Variants in PHF21B observed in about 807,000 individuals in gnomAD.
PHF21B encodes PHD finger protein 4.
Under a neutral mutation model 62.2 loss-of-function variants are expected in PHF21B, and 22 were observed. The ratio of observed to expected loss-of-function variants is 0.35; its 90% CI spans 0.25 to 0.51. The LOEUF (loss-of-function observed/expected upper bound fraction) is 0.51, where lower values mean the gene tolerates loss of function less well. Ranked by LOEUF, PHF21B falls within the 20% of genes least tolerant of loss-of-function variation. PHF21B has a pLI of 0.97. For missense variants in PHF21B, 701 were observed against 707.9 expected, an observed-to-expected ratio of 0.99 and a Z score of 0.11; for synonymous variants, 341 against 314.7, an observed-to-expected ratio of 1.08 and a Z score of -0.88.
chr22:45,008,486 C>G, intron 2 of PHF21B, 59 bp downstream of exon 2: 1 of 1,446,130 alleles, frequency 6.9e-7, no homozygotes, highest in Non-Finnish European at 9.3e-7. Context: ...AGGGCGCCGC[C>G]AAAGTGCCCA....
chr22:44,930,734 G>A (rs1263797739), intron 2 of PHF21B, among the ~76,000 whole-genome samples: 1 of 152,230 alleles, frequency 6.6e-6, no homozygotes, highest in Non-Finnish European at 1.5e-5. Context: ...GCACTCTGGG[G>A]CAGGCACCAG....
In PHF21B at chr22:44,883,200, C is replaced by T; in HGVS notation, c.1482G>A (p.Leu494=). The T allele has an allele frequency of 3.7e-6, 6 of 1,613,674 alleles. No homozygotes were observed. Among genetic ancestry groups the T allele is most frequent in the Non-Finnish European group, 5.1e-6 (6 of 1,179,976 alleles). Residue 494 remains leucine, a synonymous_variant, in exon 13 of 13, where the codon CTG becomes CTA. Transcript: ENST00000313237. The stretch of plus-strand genomic sequence containing the variant: ...TAGTGGTCGTCATGGTGACCTGGAG[C>T]AGCTGCTCGCCCTGTATCAGTCTCA... The part of the protein sequence containing the change: ...ALLRLIQGEQ[L]LQVTMTTTSP...
chr22:44,949,301 CAAAAAAAAGAA>C (rs2072144560), intron 2 of PHF21B, among the ~76,000 whole-genome samples: 4 of 42,466 alleles, frequency 9.4e-5, no homozygotes, highest in South Asian at 8.1e-4. Flanking sequence ...AACTCCATCT[CAAAAAAAAGAA>C]AAAAAAAAAA....
intron 2 of PHF21B, among the ~76,000 whole-genome samples, chr22:44,960,882 T>G (rs918241821): frequency 2.6e-5 from 4 of 151,808 alleles, no homozygotes; most frequent in African/African-American, 9.7e-5. Context: ...CAGCATCGAC[T>G]CTTCAGGGTC....
chr22:44,987,462 T>A (rs145604854), intron 2 of PHF21B, among the ~76,000 whole-genome samples: 1 of 152,156 alleles, frequency 6.6e-6, no homozygotes, highest in Non-Finnish European at 1.5e-5. Flanking sequence ...TGCACTCAGA[T>A]CACCTCATCT....
chr22:44,929,274 C>T (rs1260592734), intron 2 of PHF21B, among the ~76,000 whole-genome samples: 2 of 152,208 alleles, frequency 1.3e-5, no homozygotes, highest in South Asian at 2.1e-4. Context: ...CTGTCAGGAA[C>T]GAACGAGCTG....
At chr22:44,981,588 T>G (rs1190786468) in intron 2 of PHF21B, among the ~76,000 whole-genome samples, 2 of 152,244 alleles carry the variant, frequency 1.3e-5, no homozygotes, top group African/African-American at 2.4e-5. Context: ...GACTCAGAGA[T>G]GCTAAGTGAC....
In PHF21B at chr22:44,896,880, G is replaced by GTTTTTTTTTTTTTTT. The variant is rs56878868; in HGVS notation, c.832-812_832-798dup. Among the ~76,000 whole-genome samples, 91 of 84,032 alleles carry GTTTTTTTTTTTTTTT rather than the reference G, an allele frequency of 1.1e-3. 5 individuals are homozygous for GTTTTTTTTTTTTTTT. Among genetic ancestry groups the GTTTTTTTTTTTTTTT allele is most frequent in the African/African-American group, 2.5e-3 (60 of 24,232 alleles). 55.1% of individuals were successfully genotyped at this position (84,032 alleles called of 152,430 possible). A position where few individuals can be genotyped will look rare whatever the true frequency, so the allele number is the denominator to read the frequency against. ...AACAGGGTGGCACTTAGTTTTATCTGTTTTTTTTTTTTTTTTGAGACAGGT... is the reference window on the plus strand; with the variant it reads ...AACAGGGTGGCACTTAGTTTTATCTGTTTTTTTTTTTTTTTTTTTTTTTTTTTTTTTGAGACAGGT... On this transcript the variant is annotated intron_variant, in intron 5 of 12. Transcript: ENST00000313237.
rs1439136606 is a variant in PHF21B at position 44,893,478 on chromosome 22, G to A, written c.939C>T (p.Tyr313=). 8 of 1,601,944 alleles carry A rather than the reference G, an allele frequency of 5.0e-6. No individual in the cohort carries two copies. Among genetic ancestry groups the A allele is most frequent in the Non-Finnish European group, 6.8e-6 (8 of 1,174,516 alleles). Residue 313 remains tyrosine, a synonymous_variant, in exon 7 of 13, where the codon TAC becomes TAT. Transcript: ENST00000313237. The part of the protein sequence containing the change: ...RKRRSTANPA[Y]SGLLETERKR... ...CCACCTCGGTCTCCAGGAGGCCGCT[G>A]TAGGCAGGGTTGGCTGTGCTTCTTC...
At chr22:44,993,768 G>T (rs995708238) in intron 2 of PHF21B, among the ~76,000 whole-genome samples, 1 of 152,218 alleles carries the variant, frequency 6.6e-6, no homozygotes, top group African/African-American at 2.4e-5. Flanking sequence ...TATTTAGGTC[G>T]GCTGTGCTTC....
intron 2 of PHF21B, among the ~76,000 whole-genome samples, chr22:44,946,657 C>A (rs188585713): frequency 6.6e-6 from 1 of 152,084 alleles, no homozygotes; most frequent in Non-Finnish European, 1.5e-5. Context: ...ATGGACGGTG[C>A]GTGGGTAGAA....
In PHF21B at chr22:45,009,529, G is replaced by A. The variant is rs769844320; in HGVS notation, c.21C>T (p.Pro7=). 1.6e-5 allele frequency: 25 copies of A among 1,571,602 alleles called. No homozygotes were observed. The highest frequency in any genetic ancestry group is 2.1e-5 in the Non-Finnish European group (24 of 1,168,296). ...GCGCGAGTTCCACGGCGAGCGCCTC[G>A]GGCCGGCTCTGCAGCTCCATCCCGG... MELQSR[P]EALAVELARH... is the part of the protein sequence containing the mutation. The change falls in exon 1 of 13, where the codon CCC becomes CCT. Residue 7 remains proline (P), a synonymous_variant. Transcript: ENST00000313237. This position sits in a 1 kb window ranked among gnomAD's most constrained non-coding sequence, Gnocchi z 5.9.
At chr22:44,893,755 G>A (rs1468828504) in intron 6 of PHF21B, among the ~76,000 whole-genome samples, 1 of 152,246 alleles carries the variant, frequency 6.6e-6, no homozygotes, top group Non-Finnish European at 1.5e-5. Flanking sequence ...TGACAGATTG[G>A]TGGGAGGCTG....
intron 2 of PHF21B, chr22:45,002,047 T>C (rs141589091): frequency 5.3e-5 from 8 of 152,342 alleles, no homozygotes; most frequent in Non-Finnish European, 1.2e-4. Context: ...AATGATAGAA[T>C]GCTGATCACC....
intron 2 of PHF21B, among the ~76,000 whole-genome samples, chr22:44,931,213 A>C (rs1369048422): frequency 6.6e-6 from 1 of 152,112 alleles, no homozygotes; most frequent in Non-Finnish European, 1.5e-5. Context: ...AGCCACCATG[A>C]CCACCCGAAG....
chr22:44,930,470 G>A (rs1249155589), intron 2 of PHF21B, among the ~76,000 whole-genome samples: 1 of 152,166 alleles, frequency 6.6e-6, no homozygotes, highest in Admixed American at 6.5e-5. Context: ...GGAAGCAGGA[G>A]GGGGTGTCTG....
intron 3 of PHF21B, among the ~76,000 whole-genome samples, chr22:44,918,538 C>A (rs1171995055): frequency 6.6e-6 from 1 of 152,196 alleles, no homozygotes; most frequent in Non-Finnish European, 1.5e-5. Flanking sequence ...TCCACCCTGT[C>A]CCCACCCTCT....
chr22:44,921,077 CAT>C (rs2071526302), intron 2 of PHF21B, among the ~76,000 whole-genome samples: 1 of 152,222 alleles, frequency 6.6e-6, no homozygotes, highest in Non-Finnish European at 1.5e-5. Flanking sequence ...GCCCTTGGTG[CAT>C]ATCTGCACTG....
rs1018012225 is a variant in PHF21B at position 44,891,232 on chromosome 22, C to A, written c.1015+74G>T. 46 of 1,539,552 alleles carry A rather than the reference C, an allele frequency of 3.0e-5. No homozygotes were observed. In the South Asian group the frequency reaches 3.6e-4, roughly 12 times the overall value. Reference sequence around the variant, plus strand: ...GCGGGCAGCCCTGCCCAGGCCCAGGCGTGGAGGACCACCCAGGGATGACTC... The same window carrying A: ...GCGGGCAGCCCTGCCCAGGCCCAGGAGTGGAGGACCACCCAGGGATGACTC... On this transcript the variant is annotated intron_variant, in intron 8 of 12. Transcript: ENST00000313237.
Sources: allele counts gnomAD v4.1 joint callset (sites outside exome capture counted in the v4.1 genomes callset), GRCh38; gene constraint gnomAD v4.1.1; non-coding constraint Gnocchi (gnomAD v3.1); transcripts MANE v1.5; gene names NCBI Gene and HGNC (gene_info 2026-07-23, HGNC 2026-07-21).